Variants in FANCC observed in about 807,000 individuals in gnomAD.
FANCC encodes the protein Fanconi anemia group C protein.
A neutral mutation model predicts 71.3 loss-of-function variants in FANCC; 55 were observed. That is an observed-to-expected ratio of 0.77 (90% CI 0.62 to 0.97). FANCC has a LOEUF of 0.97. Ranked by LOEUF, FANCC falls within the 50% of genes least tolerant of loss-of-function variation. The probability of loss-of-function intolerance (pLI) is 0.00; values close to 1 mark genes in which losing one functional copy is unlikely to be tolerated. For missense variants in FANCC, 678 were observed against 670.9 expected, an observed-to-expected ratio of 1.01 and a Z score of -0.12; for synonymous variants, 275 against 244.9, an observed-to-expected ratio of 1.12 and a Z score of -1.15.
chr9:95,207,267 GAAAAC>G (rs1828190264), intron 4 of FANCC, among the ~76,000 whole-genome samples: 1 of 152,012 alleles, frequency 6.6e-6, no homozygotes, highest in East Asian at 1.9e-4. Flanking sequence ...AAGAAGAAAA[GAAAAC>G]AAAAGAGCTA....
chr9:95,203,269 T>TGTGCCTGTGG (rs938814301), intron 4 of FANCC, among the ~76,000 whole-genome samples: 3 of 151,244 alleles, frequency 2.0e-5, no homozygotes, highest in African/African-American at 7.3e-5. Context: ...CATGGTGGCA[T>TGTGCCTGTGG]GTGCCTGTGG....
chr9:95,262,380 G>A (rs953393308), intron 1 of FANCC, among the ~76,000 whole-genome samples: 9 of 152,196 alleles, frequency 5.9e-5, no homozygotes, highest in African/African-American at 2.2e-4. Context: ...GAGACGCTGG[G>A]TGACAGGCTG....
chr9:95,157,046 C>A (rs992553312), intron 6 of FANCC, among the ~76,000 whole-genome samples: 8 of 152,312 alleles, frequency 5.3e-5, no homozygotes, highest in Middle Eastern at 3.4e-3. Context: ...TCTCCTTTCA[C>A]AAGTATGACT....
chr9:95,135,315 A>AT, intron 8 of FANCC, 31 bp downstream of exon 8: 2 of 1,609,056 alleles, frequency 1.2e-6, no homozygotes, highest in African/African-American at 1.3e-5. Flanking sequence ...TCCTTCAAGG[A>AT]TTTTTCCCTT....
intron 4 of FANCC, among the ~76,000 whole-genome samples, chr9:95,232,383 T>C (rs765027581): frequency 1.3e-5 from 2 of 152,146 alleles, no homozygotes; most frequent in Non-Finnish European, 2.9e-5. Flanking sequence ...CACTTCAGGA[T>C]TGTGCAAAGG....
intron 4 of FANCC, among the ~76,000 whole-genome samples, chr9:95,194,518 C>T (rs1234087519): frequency 6.6e-6 from 1 of 152,146 alleles, no homozygotes; most frequent in East Asian, 1.9e-4. Context: ...TTTAAGTTCT[C>T]GCTGGCTTTT....
intron 10 of FANCC, among the ~76,000 whole-genome samples, chr9:95,121,922 A>G (rs1564660992): frequency 6.6e-6 from 1 of 151,578 alleles, no homozygotes; most frequent in Non-Finnish European, 1.5e-5. Context: ...CAGTGGCGCA[A>G]TCTCAGCTCA....
Position 95,239,598 on chromosome 9 carries a change from T to C in FANCC, c.345+1051A>G, listed in dbSNP as rs551391015. 3.9e-5 allele frequency among the ~76,000 whole-genome samples: 6 copies of C among 152,338 alleles called. No individual in the cohort carries two copies. In the East Asian group the frequency reaches 9.6e-4, roughly 24 times the overall value. Reference sequence around the variant, plus strand: ...ATATGTCATTTTGTTTCTTCAGCCTTGTTACACATTCTTTCTTCCCTAATT... The same window carrying C: ...ATATGTCATTTTGTTTCTTCAGCCTCGTTACACATTCTTTCTTCCCTAATT... On this transcript the variant is annotated intron_variant, in intron 4 of 14. Coordinates refer to ENST00000289081, the MANE Select transcript of FANCC (RefSeq NM_000136.3).
intron 4 of FANCC, among the ~76,000 whole-genome samples, chr9:95,188,960 T>C (rs1049500659): frequency 1.3e-5 from 2 of 152,202 alleles, no homozygotes; most frequent in African/African-American, 4.8e-5. Flanking sequence ...AAAAAAAGAA[T>C]TTCCTTTCAT....
chr9:95,292,330 C>G (rs1170010777), intron 1 of FANCC: 10 of 757,004 alleles, frequency 1.3e-5, no homozygotes, highest in Non-Finnish European at 1.5e-5. Flanking sequence ...GGCCGCCCTG[C>G]GGGAGCCATG....
chr9:95,104,993 G>A (rs2134425067), intron 14 of FANCC, among the ~76,000 whole-genome samples: 1 of 152,352 alleles, frequency 6.6e-6, no homozygotes, highest in Non-Finnish European at 1.5e-5. Context: ...CCTCTAGGTT[G>A]GGCCGCATTG....
chr9:95,181,702 G>C (rs531247197), intron 4 of FANCC, among the ~76,000 whole-genome samples: 5 of 152,312 alleles, frequency 3.3e-5, no homozygotes, highest in Admixed American at 2.6e-4. Flanking sequence ...TTATCATCCT[G>C]ACCACTGATA....
intron 1 of FANCC, among the ~76,000 whole-genome samples, chr9:95,304,084 A>G (rs75288222): frequency 0.032 from 4,949 of 152,284 alleles, 278 homozygotes; most frequent in African/African-American, 0.11. Context: ...ATAATTTCCA[A>G]CCTGGAATTC....
At chr9:95,136,342 C>G (rs997752139) in intron 7 of FANCC, among the ~76,000 whole-genome samples, 11 of 152,060 alleles carry the variant, frequency 7.2e-5, no homozygotes, top group African/African-American at 2.4e-4. Flanking sequence ...GTGTTCACGT[C>G]ACTGCACTCC....
At chr9:95,152,874 G>GTTCC (rs1389081983) in intron 6 of FANCC, among the ~76,000 whole-genome samples, 3 of 150,372 alleles carry the variant, frequency 2.0e-5, no homozygotes, top group Middle Eastern at 3.2e-3. Flanking sequence ...CTTCTTTTTG[G>GTTCC]AAAAAGAAGA....
At chr9:95,243,492 A>T (rs1415496403) in intron 3 of FANCC, among the ~76,000 whole-genome samples, 2 of 152,086 alleles carry the variant, frequency 1.3e-5, no homozygotes, top group East Asian at 3.8e-4. Flanking sequence ...TGTAATTAAA[A>T]AGCAATTTTG....
At chr9:95,140,010 C>G (rs1411281480) in intron 7 of FANCC, among the ~76,000 whole-genome samples, 1 of 151,774 alleles carries the variant, frequency 6.6e-6, no homozygotes, top group Admixed American at 6.6e-5. Context: ...TGGTTCCATC[C>G]ATCCTGCCTG....
At chr9:95,250,821 C>G (rs1831285198) in intron 1 of FANCC, among the ~76,000 whole-genome samples, 1 of 152,250 alleles carries the variant, frequency 6.6e-6, no homozygotes, top group South Asian at 2.1e-4. Flanking sequence ...CTGCCCGTCT[C>G]CAATTCATTC....
intron 4 of FANCC, among the ~76,000 whole-genome samples, chr9:95,179,434 C>A (rs1253079927): frequency 6.6e-6 from 1 of 152,200 alleles, no homozygotes; most frequent in Non-Finnish European, 1.5e-5. Flanking sequence ...GCAACCTCTG[C>A]CTCCCAGGTT....
Sources: allele counts gnomAD v4.1 joint callset (sites outside exome capture counted in the v4.1 genomes callset), GRCh38; gene constraint gnomAD v4.1.1; transcripts MANE v1.5; gene names NCBI Gene and HGNC (gene_info 2026-07-23, HGNC 2026-07-21).